The following RHPN2 variants were observed in gnomAD, a reference collection of about 807,000 sequenced individuals.
RHPN2 encodes the protein rhophilin Rho GTPase binding protein 2, also known as rhophilin-2.
In RHPN2, 40 loss-of-function variants were observed where a neutral mutation model predicts 79.0. The observed-to-expected ratio is 0.51, with a 90% CI of 0.39 to 0.66. The LOEUF is 0.66. RHPN2 is among the 30% of genes least tolerant of loss of function. The probability of loss-of-function intolerance (pLI) is 0.00; values close to 1 mark genes in which losing one functional copy is unlikely to be tolerated. For missense variants in RHPN2, 686 were observed against 883.5 expected (o/e 0.78, Z 2.83); for synonymous variants, 285 against 363.5 (o/e 0.78, Z 2.46).
At chr19:33,031,587 G>A (rs1057357333) in intron 2 of RHPN2, among the ~76,000 whole-genome samples, 5 of 151,598 alleles carry the variant, frequency 3.3e-5, no homozygotes, top group East Asian at 3.9e-4. Context: ...CTATATTCCC[G>A]AGGCTGGTCT....
chr19:33,064,481 G>C (rs1972309619), intron 1 of RHPN2, among the ~76,000 whole-genome samples: 1 of 152,104 alleles, frequency 6.6e-6, no homozygotes, highest in African/African-American at 2.4e-5. Flanking sequence ...AGGGGTGGCG[G>C]GGGGTGGGAG....
intron 1 of RHPN2, among the ~76,000 whole-genome samples, chr19:33,054,985 T>G (rs1972220243): frequency 6.6e-6 from 1 of 152,180 alleles, no homozygotes; most frequent in African/African-American, 2.4e-5. Context: ...CCCTCGGGGC[T>G]GATGGTGGAT....
At chr19:32,985,875 G>A (rs766830731) in intron 14 of RHPN2, among the ~76,000 whole-genome samples, 9 of 152,152 alleles carry the variant, frequency 5.9e-5, no homozygotes, top group Admixed American at 1.3e-4. Context: ...CAAGTGATCC[G>A]CCGGCCTTGG....
intron 2 of RHPN2, among the ~76,000 whole-genome samples, chr19:33,038,357 G>A (rs770906020): frequency 5.9e-5 from 9 of 151,606 alleles, no homozygotes; most frequent in African/African-American, 7.3e-5. Flanking sequence ...AGGCTGAGGC[G>A]GGAGGACAGC....
intron 3 of RHPN2, among the ~76,000 whole-genome samples, chr19:33,025,827 A>T (rs1879912417): frequency 6.6e-6 from 1 of 152,204 alleles, no homozygotes; most frequent in African/African-American, 2.4e-5. Context: ...TGTTCAGTTG[A>T]ATTTAATAAC....
chr19:33,025,491 A>G (rs2145249351), intron 3 of RHPN2, among the ~76,000 whole-genome samples: 1 of 152,200 alleles, frequency 6.6e-6, no homozygotes, highest in East Asian at 1.9e-4. Flanking sequence ...CAAAAAAAAA[A>G]AAGGAAATAC....
chr19:33,007,785 G>C (rs934925018), intron 7 of RHPN2, among the ~76,000 whole-genome samples: 1 of 147,592 alleles, frequency 6.8e-6, no homozygotes, highest in Non-Finnish European at 1.5e-5. Flanking sequence ...GTCTGGCCTC[G>C]ATCTCCTGAC....
chr19:33,029,471 A>G (rs1368960442), intron 2 of RHPN2, among the ~76,000 whole-genome samples: 2 of 148,236 alleles, frequency 1.3e-5, no homozygotes, highest in Non-Finnish European at 3.0e-5. Context: ...GCTTGCAGTG[A>G]GCTGAGATAG....
chr19:32,986,371 C>T (rs1200132873), intron 14 of RHPN2, among the ~76,000 whole-genome samples: 3 of 152,030 alleles, frequency 2.0e-5, no homozygotes, highest in East Asian at 1.9e-4. Context: ...TTTGGACAAA[C>T]GTCTTTTCTG....
At chr19:33,044,018 C>T (rs182935033) in intron 2 of RHPN2, among the ~76,000 whole-genome samples, 1 of 152,236 alleles carries the variant, frequency 6.6e-6, no homozygotes, top group East Asian at 1.9e-4. Flanking sequence ...TGAATTGAAG[C>T]CAAATGCCAC....
intron 4 of RHPN2, 96 bp from the exon 5 acceptor site, chr19:33,012,820 G>A: frequency 1.4e-6 from 1 of 729,910 alleles, no homozygotes; most frequent in Non-Finnish European, 2.5e-6. Flanking sequence ...TTTTTAAAAA[G>A]GCAGAATAAA....
intron 2 of RHPN2, among the ~76,000 whole-genome samples, chr19:33,032,165 A>G (rs1353593282): frequency 1.3e-5 from 2 of 151,294 alleles, no homozygotes; most frequent in Admixed American, 1.3e-4. Flanking sequence ...GGATTACAGG[A>G]GCCTGTCACC....
rs184884993 is a variant in RHPN2 at position 32,986,465 on chromosome 19, C to T, written c.1800+4049G>A. On this transcript the variant is annotated intron_variant, in intron 14 of 14. Coordinates refer to ENST00000254260, the MANE Select transcript of RHPN2 (RefSeq NM_033103.5). ...TATGATTTCTTATGATCCCTTCTCC[C>T]AAGATGCTCTGAGTCCCTTGACTTT... Among the ~76,000 whole-genome samples the T allele has an allele frequency of 2.0e-5, 3 of 152,286 alleles. No homozygotes were observed. In the East Asian group the frequency reaches 5.8e-4, roughly 29 times the overall value.
intron 2 of RHPN2, among the ~76,000 whole-genome samples, chr19:33,034,714 G>A (rs985181613): frequency 1.4e-5 from 2 of 147,122 alleles, no homozygotes; most frequent in African/African-American, 5.0e-5. Context: ...CTGGGAGGCG[G>A]AGGCTGTGGT....
chr19:33,035,607 C>G (rs1317489427), intron 2 of RHPN2, among the ~76,000 whole-genome samples: 1 of 151,814 alleles, frequency 6.6e-6, no homozygotes, highest in Admixed American at 6.6e-5. Context: ...AGGTCAGAGG[C>G]GTTCGAAGGA....
At chr19:33,023,437 G>GAAA (rs751212140) in intron 3 of RHPN2, among the ~76,000 whole-genome samples, 6 of 77,778 alleles carry the variant, frequency 7.7e-5, no homozygotes, top group Non-Finnish European at 1.6e-4. Flanking sequence ...TCCATCTCAG[G>GAAA]AAAAAAAAAA....
intron 1 of RHPN2, among the ~76,000 whole-genome samples, chr19:33,045,665 G>T (rs12460036): frequency 0.068 from 10,349 of 151,912 alleles, 1,162 homozygotes; most frequent in African/African-American, 0.24. Flanking sequence ...GTAGAGACAG[G>T]GTTTCGCCAT....
At chr19:33,039,905 A>G (rs8113612) in intron 2 of RHPN2, among the ~76,000 whole-genome samples, 23,836 of 147,102 alleles carry the variant, frequency 0.16, 2,365 homozygotes, top group East Asian at 0.31. Context: ...CTTCTCCTGG[A>G]AAAAAAAAAA....
intron 11 of RHPN2, among the ~76,000 whole-genome samples, chr19:32,994,431 AG>A (rs1971685392): frequency 6.6e-6 from 1 of 151,966 alleles, no homozygotes; most frequent in Non-Finnish European, 1.5e-5. Context: ...GAGACAGTAC[AG>A]AACTTTCTCT....
Sources: gnomAD v4.1 joint callset for allele counts (sites outside exome capture counted in the v4.1 genomes callset) on GRCh38, gnomAD v4.1.1 for gene constraint, MANE v1.5 for transcripts, NCBI Gene and HGNC (gene_info 2026-07-23, HGNC 2026-07-21) for gene names.